The following FOCAD variants were observed in gnomAD, a reference collection of about 807,000 sequenced individuals.
The protein encoded by FOCAD is focadhesin.
A neutral mutation model predicts 225.6 loss-of-function variants in FOCAD; 198 were observed. The ratio of observed to expected loss-of-function variants is 0.88; its 90% confidence interval spans 0.78 to 0.99. The LOEUF (loss-of-function observed/expected upper bound fraction) is 0.99. FOCAD is among the 50% of genes least tolerant of loss of function. The pLI, the probability that FOCAD is intolerant of heterozygous loss-of-function variation, is 0.00. For missense variants in FOCAD, 2,713 were observed against 2,123.6 expected (o/e 1.28, Z -5.46); for synonymous variants, 897 against 755.0 (o/e 1.19, Z -3.08).
intron 4 of FOCAD, among the ~76,000 whole-genome samples, chr9:20,738,203 A>C (rs193168801): frequency 2.0e-5 from 3 of 152,244 alleles, no homozygotes; most frequent in Non-Finnish European, 2.9e-5. Flanking sequence ...TCTCAGAAGA[A>C]TGTGAACAGT....
In FOCAD at chr9:20,815,137, G is replaced by GTTTTTTTTTTTTTTTT. The variant is rs71334555; in HGVS notation, c.1456-4657_1456-4642dup. Among the ~76,000 whole-genome samples, 40 of 69,134 alleles carry GTTTTTTTTTTTTTTTT rather than the reference G, an allele frequency of 5.8e-4. 1 individual carries two copies. Among genetic ancestry groups the GTTTTTTTTTTTTTTTT allele is most frequent in the African/African-American group, 1.9e-3 (32 of 16,580 alleles). 45.4% of individuals were successfully genotyped at this position (69,134 alleles called of 152,430 possible). A position where few individuals can be genotyped will look rare whatever the true frequency, so the allele number is the denominator to read the frequency against. On this transcript the variant is annotated intron_variant, in intron 11 of 43. Transcript: ENST00000338382. Reference sequence around the variant, plus strand: ...TACTTCTCTTTGTTTTTTTTTTTTTGTTTTTTTTTTTTTTTTTGAGACAGT... The same window carrying GTTTTTTTTTTTTTTTT: ...TACTTCTCTTTGTTTTTTTTTTTTTGTTTTTTTTTTTTTTTTTTTTTTTTTTTTTTTTTGAGACAGT...
At chr9:20,705,169 C>A (rs892649644) in intron 1 of FOCAD, among the ~76,000 whole-genome samples, 3 of 152,090 alleles carry the variant, frequency 2.0e-5, no homozygotes, top group African/African-American at 7.2e-5. Flanking sequence ...CTAGTAAGAG[C>A]CACATACATG....
At chr9:20,981,819 CT>C in intron 38 of FOCAD, 133 bp downstream of exon 38, 1 of 976,842 alleles carries the variant, frequency 1.0e-6, no homozygotes, top group Non-Finnish European at 1.5e-6. Context: ...ACATTCTTTA[CT>C]AGGAGTGTAT....
rs995768052 is a variant in FOCAD at position 20,966,238 on chromosome 9, A to G, written c.4133-10182A>G. On this transcript the variant is annotated intron_variant, in intron 35 of 43. Transcript: ENST00000338382. Reference sequence around the variant, plus strand: ...ATCATTGCCAACTAATTGGCTGTGAAGGTGGTACCTCACGTGATTTGGGTT... The same window carrying G: ...ATCATTGCCAACTAATTGGCTGTGAGGGTGGTACCTCACGTGATTTGGGTT... 1.5e-4 allele frequency among the ~76,000 whole-genome samples: 23 copies of G among 152,114 alleles called. 1 individual carries two copies.
intron 10 of FOCAD, among the ~76,000 whole-genome samples, chr9:20,784,331 T>C (rs1819694836): frequency 6.6e-6 from 1 of 152,212 alleles, no homozygotes; most frequent in African/African-American, 2.4e-5. Context: ...ATGCTCTCTA[T>C]TGACAAGGTC....
chr9:20,662,249 A>G (rs1371199706), intron 2 of FOCAD, among the ~76,000 whole-genome samples: 1 of 152,104 alleles, frequency 6.6e-6, no homozygotes, highest in African/African-American at 2.4e-5. Context: ...TGTGATAGCC[A>G]TGGAGATGCA....
chr9:20,663,064 T>C (rs9886755), intron 2 of FOCAD, among the ~76,000 whole-genome samples: 123,490 of 152,096 alleles, frequency 0.81, 50,221 homozygotes, highest in South Asian at 0.87. Flanking sequence ...TTACTTCTGA[T>C]AATATCAAGG....
chr9:20,930,642 G>T (rs1257885543), intron 27 of FOCAD, among the ~76,000 whole-genome samples: 6 of 152,140 alleles, frequency 3.9e-5, no homozygotes, highest in Non-Finnish European at 8.8e-5. Context: ...AATTGCTATT[G>T]ATTTTGGGGA....
At chr9:20,930,467 T>C (rs1835362736) in intron 27 of FOCAD, among the ~76,000 whole-genome samples, 1 of 152,202 alleles carries the variant, frequency 6.6e-6, no homozygotes, top group South Asian at 2.1e-4. Context: ...GGCATTCTGT[T>C]GTGATATTAG....
At chr9:20,874,618 G>C in intron 18 of FOCAD, 63 bp from the exon 19 acceptor site, 1 of 1,552,730 alleles carries the variant, frequency 6.4e-7, no homozygotes, top group Non-Finnish European at 8.7e-7. Context: ...AAAGGATACA[G>C]AAAAGATTTT....
At chr9:20,754,502 A>T (rs1419177965) in intron 5 of FOCAD, among the ~76,000 whole-genome samples, 1 of 151,746 alleles carries the variant, frequency 6.6e-6, no homozygotes, top group Non-Finnish European at 1.5e-5. Flanking sequence ...TTGATCGATT[A>T]ACTACTTTTC....
intron 4 of FOCAD, among the ~76,000 whole-genome samples, chr9:20,738,011 G>A (rs117696362): frequency 6.6e-6 from 1 of 152,318 alleles, no homozygotes; most frequent in East Asian, 1.9e-4. Context: ...GGAGGATATA[G>A]TGGGAGACAC....
intron 8 of FOCAD, among the ~76,000 whole-genome samples, chr9:20,773,021 T>C (rs1268921538): frequency 6.6e-6 from 1 of 151,734 alleles, no homozygotes; most frequent in Non-Finnish European, 1.5e-5. Flanking sequence ...TACAGAAAGA[T>C]ATTTTATAGA....
At chr9:20,916,167 G>A (rs566716974) in intron 23 of FOCAD, among the ~76,000 whole-genome samples, 3 of 151,958 alleles carry the variant, frequency 2.0e-5, no homozygotes, top group Admixed American at 1.3e-4. Flanking sequence ...TAAAACCTTC[G>A]AATTTATAAA....
intron 23 of FOCAD, among the ~76,000 whole-genome samples, chr9:20,915,475 G>A (rs1833794191): frequency 1.3e-5 from 2 of 152,212 alleles, no homozygotes; most frequent in Admixed American, 6.5e-5. Flanking sequence ...TTGTTAGGCT[G>A]CAGAAGATAG....
At chr9:20,911,060 A>G (rs1833398985) in intron 22 of FOCAD, among the ~76,000 whole-genome samples, 1 of 152,094 alleles carries the variant, frequency 6.6e-6, no homozygotes, top group Admixed American at 6.6e-5. Context: ...ATTATAGGAA[A>G]TGTTTTAGGA....
intron 7 of FOCAD, among the ~76,000 whole-genome samples, chr9:20,768,300 G>C (rs1830237702): frequency 6.6e-6 from 1 of 151,368 alleles, no homozygotes; most frequent in South Asian, 2.1e-4. Context: ...GATTGACTTG[G>C]CGATGCGGGC....
chr9:20,690,294 A>G (rs1306561949), intron 1 of FOCAD, among the ~76,000 whole-genome samples: 1 of 152,116 alleles, frequency 6.6e-6, no homozygotes, highest in African/African-American at 2.4e-5. Flanking sequence ...CATTTCCCCT[A>G]ATTACTGGAT....
chr9:20,763,056 T>C (rs1587067003), intron 6 of FOCAD, among the ~76,000 whole-genome samples: 1 of 152,250 alleles, frequency 6.6e-6, no homozygotes, highest in African/African-American at 2.4e-5. Context: ...TGAGGATAGA[T>C]AATTCTTATT....
Sources: gnomAD v4.1 joint callset for allele counts (sites outside exome capture counted in the v4.1 genomes callset) on GRCh38, gnomAD v4.1.1 for gene constraint, MANE v1.5 for transcripts, NCBI Gene and HGNC (gene_info 2026-07-23, HGNC 2026-07-21) for gene names.